Variants in ROBO2 observed in about 807,000 individuals in gnomAD.
ROBO2 encodes roundabout homolog 2.
A neutral mutation model predicts 160.8 loss-of-function variants in ROBO2; 53 were observed. The observed-to-expected ratio is 0.33, with a 90% CI of 0.26 to 0.41. ROBO2 has a LOEUF of 0.41. Among genes scored for constraint, ROBO2 ranks in the 10% least tolerant of loss-of-function variants. The pLI, the probability that ROBO2 is intolerant of heterozygous loss-of-function variation, is 1.00. For synonymous variants in ROBO2, 664 were observed against 611.7 expected (o/e 1.09, Z -1.26); for missense variants, 1,577 against 1,722.4 (o/e 0.92, Z 1.49).
intron 2 of ROBO2, among the ~76,000 whole-genome samples, chr3:77,202,513 ATATAGT>A: frequency 6.6e-6 from 1 of 152,302 alleles, no homozygotes; most frequent in East Asian, 1.9e-4. Flanking sequence ...TTGTTCTGAA[ATATAGT>A]TATTTCTGTC....
intron 2 of ROBO2, among the ~76,000 whole-genome samples, chr3:76,432,114 T>C (rs2076464116): frequency 6.6e-6 from 1 of 152,138 alleles, no homozygotes; most frequent in African/African-American, 2.4e-5. Flanking sequence ...AAGTTGTATG[T>C]TTACAACTTT....
chr3:77,618,149 T>C (rs2094822984), intron 22 of ROBO2: 1 of 283,002 alleles, frequency 3.5e-6, no homozygotes, highest in Non-Finnish European at 6.8e-6. Context: ...CATCCCATGA[T>C]GTAATAAAAG....
chr3:77,480,472 A>G (rs1322410874), intron 3 of ROBO2, among the ~76,000 whole-genome samples: 1 of 152,166 alleles, frequency 6.6e-6, no homozygotes, highest in African/African-American at 2.4e-5. Flanking sequence ...ATTAGATGCT[A>G]ATGGTTTATA....
chr3:75,976,857 G>A (rs1171076855), intron 2 of ROBO2, among the ~76,000 whole-genome samples: 1 of 151,364 alleles, frequency 6.6e-6, no homozygotes, highest in African/African-American at 2.4e-5. Context: ...ACATGTCTGT[G>A]GAAAGGGTTA....
At chr3:77,509,801 A>T (rs567284426) in intron 5 of ROBO2, among the ~76,000 whole-genome samples, 1 of 151,970 alleles carries the variant, frequency 6.6e-6, no homozygotes, top group South Asian at 2.1e-4. Context: ...ACGGCTGCCT[A>T]CTAGGTTCAA....
chr3:77,065,886 T>C (rs909544880), intron 1 of ROBO2, among the ~76,000 whole-genome samples: 1 of 152,158 alleles, frequency 6.6e-6, no homozygotes, highest in Non-Finnish European at 1.5e-5. Context: ...TTGTCCCTAG[T>C]GTAAAATAGT....
At chr3:77,266,909 C>T (rs1378244086) in intron 2 of ROBO2, among the ~76,000 whole-genome samples, 3 of 151,950 alleles carry the variant, frequency 2.0e-5, no homozygotes, top group Admixed American at 2.0e-4. Context: ...TTTTGTGAAA[C>T]AAAAAATGTT....
chr3:76,256,030 G>C (rs532443181), intron 2 of ROBO2, among the ~76,000 whole-genome samples: 1 of 152,084 alleles, frequency 6.6e-6, no homozygotes, highest in Non-Finnish European at 1.5e-5. Context: ...CAGGTGCAGT[G>C]GTTCACGCCT....
chr3:76,834,043 T>TCTTTCTTTC (rs1491115477), intron 2 of ROBO2, among the ~76,000 whole-genome samples: 21 of 149,154 alleles, frequency 1.4e-4, no homozygotes, highest in East Asian at 4.0e-4. Context: ...TTCTTTCCTT[T>TCTTTCTTTC]CTTTCTCTCC....
chr3:77,592,119 C>T (rs747527256), intron 17 of ROBO2, among the ~76,000 whole-genome samples: 12 of 151,916 alleles, frequency 7.9e-5, no homozygotes, highest in Non-Finnish European at 1.2e-4. Flanking sequence ...GCTTTAAAAA[C>T]ACAACTAAAT....
chr3:77,082,699 A>G (rs1295397650), intron 1 of ROBO2, among the ~76,000 whole-genome samples: 1 of 142,856 alleles, frequency 7.0e-6, no homozygotes, highest in Non-Finnish European at 1.5e-5. Context: ...CTACATAGTA[A>G]CATTCTATAT....
chr3:77,189,148 TG>T (rs1294438826), intron 2 of ROBO2, among the ~76,000 whole-genome samples: 1 of 151,892 alleles, frequency 6.6e-6, no homozygotes, highest in Non-Finnish European at 1.5e-5. Context: ...CACAGTGATT[TG>T]GCCCCCGATG....
chr3:76,147,462 T>C (rs1251640074), intron 2 of ROBO2, among the ~76,000 whole-genome samples: 1 of 151,988 alleles, frequency 6.6e-6, no homozygotes, highest in African/African-American at 2.4e-5. Flanking sequence ...ATTTATAAAG[T>C]GTAACTATGT....
intron 2 of ROBO2, among the ~76,000 whole-genome samples, chr3:76,711,456 T>C (rs993685518): frequency 6.6e-6 from 1 of 152,154 alleles, no homozygotes; most frequent in African/African-American, 2.4e-5. Context: ...ACTACGTTCA[T>C]TGTATTTCAC....
chr3:77,058,578 G>A (rs2065983644), intron 1 of ROBO2, among the ~76,000 whole-genome samples: 1 of 152,230 alleles, frequency 6.6e-6, no homozygotes. Flanking sequence ...TCTCACCTAG[G>A]CTGGAGTATA....
At chr3:76,107,265 A>T (rs998229508) in intron 2 of ROBO2, among the ~76,000 whole-genome samples, 2 of 152,120 alleles carry the variant, frequency 1.3e-5, no homozygotes, top group African/African-American at 4.8e-5. Flanking sequence ...AAGGTCGCAT[A>T]GTAAAGTGAA....
intron 2 of ROBO2, among the ~76,000 whole-genome samples, chr3:76,427,807 T>G (rs1405482046): frequency 6.6e-6 from 1 of 152,200 alleles, no homozygotes; most frequent in Non-Finnish European, 1.5e-5. Flanking sequence ...GAAGGCTTCT[T>G]TTTCAGATTT....
intron 23 of ROBO2, chr3:77,632,275 GA>G (rs1327484934): frequency 2.1e-6 from 1 of 484,974 alleles, no homozygotes; most frequent in Non-Finnish European, 3.7e-6. Context: ...GCTGCAAACA[GA>G]TACAGGTTTC....
At chr3:77,216,537 G>T (rs961025341) in intron 2 of ROBO2, among the ~76,000 whole-genome samples, 4 of 152,214 alleles carry the variant, frequency 2.6e-5, no homozygotes, top group African/African-American at 9.6e-5. Context: ...GTGAGGCGAT[G>T]CCTCGCCCTG....
Sources: gnomAD v4.1 joint callset for allele counts (sites outside exome capture counted in the v4.1 genomes callset) on GRCh38, gnomAD v4.1.1 for gene constraint, MANE v1.5 for transcripts, NCBI Gene and HGNC (gene_info 2026-07-23, HGNC 2026-07-21) for gene names.